DLG2: variants seen among roughly 807,000 people sequenced by gnomAD.
DLG2 encodes the protein disks large homolog 2.
A neutral mutation model predicts 132.5 loss-of-function variants in DLG2; 45 were observed. The observed-to-expected ratio is 0.34, with a 90% confidence interval of 0.27 to 0.44. The LOEUF (loss-of-function observed/expected upper bound fraction) is 0.44. Ranked by LOEUF, DLG2 falls within the 20% of genes least tolerant of loss-of-function variation. The pLI, the probability that DLG2 is intolerant of heterozygous loss-of-function variation, is 1.00. For synonymous variants in DLG2, 424 were observed against 419.6 expected (o/e 1.01, Z -0.13); for missense variants, 1,045 against 1,196.9 (o/e 0.87, Z 1.87).
chr11:85,354,660 C>A (rs1041911831), intron 3 of DLG2, among the ~76,000 whole-genome samples: 2 of 151,812 alleles, frequency 1.3e-5, no homozygotes, highest in African/African-American at 4.8e-5. Context: ...GGTATGCTGA[C>A]ATTTTGTTGA....
At chr11:85,165,597 T>G (rs1051402848) in intron 4 of DLG2, among the ~76,000 whole-genome samples, 1 of 152,206 alleles carries the variant, frequency 6.6e-6, no homozygotes, top group Non-Finnish European at 1.5e-5. Flanking sequence ...CCTTTCTGCC[T>G]GTAAGGTCAA....
intron 7 of DLG2, among the ~76,000 whole-genome samples, chr11:84,366,998 C>A (rs1470320831): frequency 6.6e-6 from 1 of 152,130 alleles, no homozygotes; most frequent in African/African-American, 2.4e-5. Flanking sequence ...CACCCCAGAT[C>A]AACAGAATAT....
chr11:85,277,569 T>C (rs979230546), intron 4 of DLG2, among the ~76,000 whole-genome samples: 1 of 152,146 alleles, frequency 6.6e-6, no homozygotes, highest in African/African-American at 2.4e-5. Flanking sequence ...CTGTAAACTA[T>C]TCACAGATAA....
intron 6 of DLG2, among the ~76,000 whole-genome samples, chr11:84,801,698 GA>G (rs2075400151): frequency 6.6e-6 from 1 of 152,188 alleles, no homozygotes; most frequent in South Asian, 2.1e-4. Flanking sequence ...TGTCTGCAGT[GA>G]AAAGAGGTGT....
chr11:84,056,168 T>C (rs558005385), intron 11 of DLG2, among the ~76,000 whole-genome samples: 49 of 152,142 alleles, frequency 3.2e-4, no homozygotes, highest in African/African-American at 1.1e-3. Context: ...CAACCCATCA[T>C]CTAGGTTTTA....
chr11:84,743,960 G>T (rs992368290), intron 6 of DLG2, among the ~76,000 whole-genome samples: 6 of 151,954 alleles, frequency 3.9e-5, no homozygotes, highest in African/African-American at 1.5e-4. Flanking sequence ...TCCTGACCTC[G>T]TGATCCACCT....
At chr11:84,045,906 T>G (rs1293200746) in intron 11 of DLG2, among the ~76,000 whole-genome samples, 3 of 151,550 alleles carry the variant, frequency 2.0e-5, no homozygotes, top group Non-Finnish European at 4.4e-5. Flanking sequence ...AGTTGTCCGC[T>G]GTAGCCGTAG....
rs148883501 is a variant in DLG2, at chr11:83,756,346, G to A, written c.1825+30344C>T. ...ATGAACTTAGTGTAATTATATAATT[G>A]GTAAAGATATAAGATTGCCAAATGC... On this transcript the variant is annotated intron_variant, in intron 18 of 27. Transcript: ENST00000376104. Among the ~76,000 whole-genome samples, 41 of 151,426 alleles carry A rather than the reference G, an allele frequency of 2.7e-4. 2 individuals are homozygous for A. The highest frequency in any genetic ancestry group is 9.8e-4 in the African/African-American group (40 of 40,766).
chr11:85,485,436 A>T (rs1210791700), intron 3 of DLG2, among the ~76,000 whole-genome samples: 1 of 152,230 alleles, frequency 6.6e-6, no homozygotes, highest in East Asian at 1.9e-4. Context: ...ATGGGTCAGG[A>T]TCACTCATTA....
intron 2 of DLG2, among the ~76,000 whole-genome samples, chr11:85,621,326 C>A (rs2081685284): frequency 1.3e-5 from 2 of 152,298 alleles, no homozygotes; most frequent in South Asian, 4.1e-4. Flanking sequence ...TGTTTTCATG[C>A]CTGCTAATAG....
At chr11:84,963,855 C>T (rs1294911652) in intron 6 of DLG2, among the ~76,000 whole-genome samples, 2 of 152,128 alleles carry the variant, frequency 1.3e-5, no homozygotes, top group Non-Finnish European at 2.9e-5. Flanking sequence ...TAAAACTCAC[C>T]TGGCACAAGT....
At chr11:83,671,592 CT>C (rs1387779751) in intron 18 of DLG2, among the ~76,000 whole-genome samples, 1 of 152,150 alleles carries the variant, frequency 6.6e-6, no homozygotes, top group Admixed American at 6.5e-5. Flanking sequence ...AAAGACCCAA[CT>C]GGTGGGGAGG....
rs76561790 is a variant in DLG2, at chr11:84,903,603, A to C, written c.357+208058T>G. Among the ~76,000 whole-genome samples the C allele has an allele frequency of 9.9e-3, 1,510 of 152,280 alleles. 18 individuals carry two copies. Among genetic ancestry groups the C allele is most frequent in the South Asian group, 0.044 (213 of 4,826 alleles). On this transcript the variant is annotated intron_variant, in intron 6 of 27. Coordinates refer to ENST00000376104, the MANE Select transcript of DLG2 (RefSeq NM_001142699.3). ...AATGTACACATATAGTGTTATCTCC[A>C]TTTCATAGATGTTTCAAAAAGTCAT...
intron 6 of DLG2, among the ~76,000 whole-genome samples, chr11:84,775,481 C>A (rs151007578): frequency 6.6e-6 from 1 of 152,056 alleles, no homozygotes; most frequent in Non-Finnish European, 1.5e-5. Context: ...GTGTTCATTG[C>A]AGCACTATTC....
intron 6 of DLG2, among the ~76,000 whole-genome samples, chr11:84,701,762 A>G (rs2059248488): frequency 6.6e-6 from 1 of 151,672 alleles, no homozygotes; most frequent in South Asian, 2.1e-4. Flanking sequence ...CCCAACTTGC[A>G]GTGTCCTCAT....
At chr11:84,768,835 T>C (rs1273027529) in intron 6 of DLG2, among the ~76,000 whole-genome samples, 1 of 151,852 alleles carries the variant, frequency 6.6e-6, no homozygotes, top group African/African-American at 2.4e-5. Flanking sequence ...TCCAAGAATC[T>C]CTCCTTTCCC....
At chr11:83,704,625 T>C (rs2083559250) in intron 18 of DLG2, among the ~76,000 whole-genome samples, 1 of 146,312 alleles carries the variant, frequency 6.8e-6, no homozygotes, top group Non-Finnish European at 1.5e-5. Flanking sequence ...GAGACCAGCC[T>C]GGCCAACGTG....
chr11:83,935,643 C>T (rs954006795), intron 14 of DLG2, among the ~76,000 whole-genome samples: 11 of 152,104 alleles, frequency 7.2e-5, no homozygotes, highest in Admixed American at 5.2e-4. Flanking sequence ...AGAATTTCCA[C>T]GGGGGCAGTT....
intron 19 of DLG2, among the ~76,000 whole-genome samples, chr11:83,596,558 C>T (rs2153353843): frequency 6.6e-6 from 1 of 152,296 alleles, no homozygotes; most frequent in South Asian, 2.1e-4. Flanking sequence ...CCATCCTTCC[C>T]ATCGCCATTG....
Sources: allele counts gnomAD v4.1 joint callset (sites outside exome capture counted in the v4.1 genomes callset), GRCh38; gene constraint gnomAD v4.1.1; transcripts MANE v1.5; gene names NCBI Gene and HGNC (gene_info 2026-07-23, HGNC 2026-07-21).